The following TMEM91 variants were observed in gnomAD, a reference collection of about 807,000 sequenced individuals.
The protein encoded by TMEM91 is dispanin subfamily C member 3.
In TMEM91, 6 loss-of-function variants were observed where a neutral mutation model predicts 13.3. That is an observed-to-expected ratio of 0.45 (90% CI 0.25 to 0.89). The LOEUF (loss-of-function observed/expected upper bound fraction) is 0.89, where lower values mean the gene tolerates loss of function less well. Among genes scored for constraint, TMEM91 ranks in the 40% least tolerant of loss-of-function variants. The pLI, the probability that TMEM91 is intolerant of heterozygous loss-of-function variation, is 0.19. For missense variants in TMEM91, 193 were observed against 228.7 expected, an observed-to-expected ratio of 0.84 and a Z score of 1.01; for synonymous variants, 87 against 101.7, an observed-to-expected ratio of 0.86 and a Z score of 0.87.
At position 41,382,927 on chromosome 19, in the gene TMEM91, T is replaced by A. The variant is rs1266140573; in HGVS notation, c.360+6T>A. 6.2e-7 allele frequency: 1 copy of A among 1,613,882 alleles called. No individual in the cohort carries two copies. The highest frequency in any genetic ancestry group is 1.7e-5 in the Admixed American group (1 of 59,952). On this transcript the variant is annotated splice_donor_region_variant and intron_variant, in intron 3 of 3. Coordinates refer to ENST00000392002, the MANE Select transcript of TMEM91 (RefSeq NM_001098821.2). The stretch of plus-strand genomic sequence containing the variant: ...CCTTCTGTCTAGCCCAGAAGGTCAG[T>A]CTGTGTGTGGGACTTGGAGGGGACT...
chr19:41,371,579 C>G (rs1275187157), upstream of TMEM91, among the ~76,000 whole-genome samples: 1 of 151,438 alleles, frequency 6.6e-6, no homozygotes, highest in Non-Finnish European at 1.5e-5. Context: ...ACCACCAAGT[C>G]CAGCTAGTTT....
upstream of TMEM91, among the ~76,000 whole-genome samples, chr19:41,375,717 G>C (rs2038704209): frequency 6.6e-6 from 1 of 151,442 alleles, no homozygotes; most frequent in African/African-American, 2.4e-5. Context: ...GCTTTGGGAG[G>C]CCGAGGCTGC....
upstream of TMEM91, among the ~76,000 whole-genome samples, chr19:41,375,978 G>T (rs961762961): frequency 6.6e-6 from 1 of 152,030 alleles, no homozygotes; most frequent in Non-Finnish European, 1.5e-5. Flanking sequence ...AAATTAGCTG[G>T]GCGTGGTGGC....
intron 1 of TMEM91, among the ~76,000 whole-genome samples, chr19:41,369,506 T>TG (rs1555758116): frequency 8.1e-6 from 1 of 123,316 alleles, no homozygotes; most frequent in Non-Finnish European, 1.6e-5. Context: ...ACTGCACCTC[T>TG]AAAAAAAAAA....
intron 3 of TMEM91, 166 bp downstream of exon 3, chr19:41,383,087 T>A: frequency 1.0e-6 from 1 of 991,694 alleles, no homozygotes; most frequent in Non-Finnish European, 1.5e-6. Flanking sequence ...TGAGTCTCAC[T>A]TTGTCGCCCA....
chr19:41,379,245 G>A (rs2038811384), intron 2 of TMEM91, among the ~76,000 whole-genome samples: 1 of 149,140 alleles, frequency 6.7e-6, no homozygotes, highest in African/African-American at 2.5e-5. Context: ...CTTTGAGAAG[G>A]CGAGGCAGGA....
upstream of TMEM91, among the ~76,000 whole-genome samples, chr19:41,374,635 G>A (rs1017523968): frequency 1.3e-5 from 2 of 152,144 alleles, no homozygotes; most frequent in Admixed American, 1.3e-4. Flanking sequence ...TGAAGAAATA[G>A]GGGTTCAGAG....
chr19:41,373,262 A>G (rs1307709349), upstream of TMEM91, among the ~76,000 whole-genome samples: 2 of 152,124 alleles, frequency 1.3e-5, no homozygotes, highest in Non-Finnish European at 2.9e-5. Context: ...TTAATATTCC[A>G]GACCTGTCAC....
intron 2 of TMEM91, among the ~76,000 whole-genome samples, chr19:41,382,508 A>G (rs1327254736): frequency 1.3e-5 from 2 of 152,192 alleles, no homozygotes; most frequent in Non-Finnish European, 2.9e-5. Context: ...CTGTAATCCC[A>G]GCTACTCGGG....
At chr19:41,367,716 C>T (rs1418167491) in intron 1 of TMEM91, among the ~76,000 whole-genome samples, 3 of 152,200 alleles carry the variant, frequency 2.0e-5, no homozygotes, top group African/African-American at 7.2e-5. Context: ...TCACTGCAGC[C>T]TCGAACGCCC....
chr19:41,372,512 T>C (rs1056774495), upstream of TMEM91, among the ~76,000 whole-genome samples: 1 of 84,202 alleles, frequency 1.2e-5, no homozygotes, highest in African/African-American at 6.7e-5. Flanking sequence ...GCACTTTATT[T>C]TATTGTTATT....
intron 1 of TMEM91, among the ~76,000 whole-genome samples, chr19:41,365,078 A>G (rs959154081): frequency 1.3e-5 from 2 of 149,868 alleles, no homozygotes; most frequent in Non-Finnish European, 3.0e-5. Flanking sequence ...GAGTCCTGCT[A>G]TGTTGCTATG....
At chr19:41,370,386 A>ATTTTT (rs370609009) in intron 1 of TMEM91, among the ~76,000 whole-genome samples, 1 of 69,506 alleles carries the variant, frequency 1.4e-5, no homozygotes, top group Non-Finnish European at 3.0e-5. Context: ...CTATTTATTT[A>ATTTTT]TTTTTATTTT....
At chr19:41,377,228 A>T (rs1199831437) in intron 1 of TMEM91, 2 of 148,172 alleles carry the variant, frequency 1.3e-5, no homozygotes, top group Admixed American at 6.7e-5. Context: ...AATAGGAGAG[A>T]GTGCCGGGGT....
rs946271153 is a variant in TMEM91 at position 41,376,655 on chromosome 19, C to G, written c.-229C>G. 3.9e-5 allele frequency: 6 copies of G among 152,198 alleles called. No homozygotes were observed. Among genetic ancestry groups the G allele is most frequent in the African/African-American group, 1.4e-4 (6 of 41,450 alleles). The allele number at this position is 152,198 out of a possible 1,614,324, so 9.4% of individuals were successfully genotyped here. A position where few individuals can be genotyped will look rare whatever the true frequency, so the allele number is the denominator to read the frequency against. ...CGCTGACGTCGGCTTTCAGGGATCC[C>G]TCGCCGGACGCCGCGGAGGGACAGA... On this transcript the variant is annotated 5_prime_UTR_variant, in exon 1 of 4. Coordinates refer to ENST00000392002, the MANE Select transcript of TMEM91 (RefSeq NM_001098821.2).
intron 3 of TMEM91, 193 bp from the exon 4 acceptor site, chr19:41,383,522 T>C: frequency 6.8e-7 from 1 of 1,469,584 alleles, no homozygotes; most frequent in Non-Finnish European, 9.0e-7. Context: ...ATTATTATTA[T>C]TATTTTTTAC....
chr19:41,374,350 A>G (rs1445465716), upstream of TMEM91: 4 of 152,238 alleles, frequency 2.6e-5, no homozygotes, highest in African/African-American at 9.6e-5. Context: ...TTGCAAGACG[A>G]TGATAGTCTT....
upstream of TMEM91, chr19:41,374,174 G>C (rs1161857205): frequency 6.6e-6 from 1 of 152,246 alleles, no homozygotes; most frequent in East Asian, 1.9e-4. Context: ...CTCCCTGGGA[G>C]TGGGGCCGGT....
rs573399207 is a variant in TMEM91 at position 41,367,237 on chromosome 19, A to T, written c.-30+3142A>T. ...GTACATATGTTACAACAGTTTCATT[A>T]GTACATCTTGCTATGCTGCAGGGAA... On this transcript the variant is annotated intron_variant, in intron 1 of 3. Coordinates refer to the TMEM91 transcript ENST00000413014. Among the ~76,000 whole-genome samples, 6 of 152,378 alleles carry T rather than the reference A, an allele frequency of 3.9e-5. No individual in the cohort carries two copies. In the East Asian group the frequency reaches 1.2e-3, roughly 29 times the overall value.
Sources: gnomAD v4.1 joint callset for allele counts (sites outside exome capture counted in the v4.1 genomes callset) on GRCh38, gnomAD v4.1.1 for gene constraint, MANE v1.5 for transcripts, NCBI Gene and HGNC (gene_info 2026-07-23, HGNC 2026-07-21) for gene names.